GRID1: variants seen among roughly 807,000 people sequenced by gnomAD.
The protein encoded by GRID1 is glutamate receptor ionotropic, delta-1.
In GRID1, 28 loss-of-function variants were observed where a neutral mutation model predicts 98.0. The observed-to-expected ratio is 0.29, with a 90% CI of 0.21 to 0.39. The LOEUF (loss-of-function observed/expected upper bound fraction) is 0.39, where lower values mean the gene tolerates loss of function less well. GRID1 is among the 10% of genes least tolerant of loss of function. The pLI, the probability that GRID1 is intolerant of heterozygous loss-of-function variation, is 1.00. For synonymous variants in GRID1, 553 were observed against 538.5 expected (o/e 1.03, Z -0.37); for missense variants, 1,111 against 1,340.5 (o/e 0.83, Z 2.67).
chr10:86,131,250 A>G (rs1219652832), intron 4 of GRID1, among the ~76,000 whole-genome samples: 1 of 152,042 alleles, frequency 6.6e-6, no homozygotes, highest in Non-Finnish European at 1.5e-5. Flanking sequence ...GTCAACAAGC[A>G]GGCTGACTCA....
intron 3 of GRID1, among the ~76,000 whole-genome samples, chr10:86,171,871 A>G (rs2131993775): frequency 6.6e-6 from 1 of 152,326 alleles, no homozygotes; most frequent in East Asian, 1.9e-4. Context: ...TCTTCCCTAA[A>G]GATTTCAGCG....
At chr10:86,051,692 C>G (rs1454263077) in intron 4 of GRID1, among the ~76,000 whole-genome samples, 1 of 152,188 alleles carries the variant, frequency 6.6e-6, no homozygotes, top group Non-Finnish European at 1.5e-5. Flanking sequence ...TGATAAGATG[C>G]TTAATCTTGT....
chr10:85,855,954 A>C (rs113625477), intron 7 of GRID1, 75 bp downstream of exon 7: 1 of 1,364,294 alleles, frequency 7.3e-7, no homozygotes, highest in African/African-American at 1.4e-5. Flanking sequence ...CAGGCCAGCT[A>C]CTAGAGGGGA....
chr10:86,126,329 C>A, intron 4 of GRID1, among the ~76,000 whole-genome samples: 1 of 152,224 alleles, frequency 6.6e-6, no homozygotes, highest in Non-Finnish European at 1.5e-5. Flanking sequence ...GTGGCACGCG[C>A]CTGTAATCCC....
intron 5 of GRID1, among the ~76,000 whole-genome samples, chr10:85,909,955 A>G (rs1167315670): frequency 6.6e-6 from 1 of 152,200 alleles, no homozygotes; most frequent in African/African-American, 2.4e-5. Context: ...ATAATAATTA[A>G]AAAAACATAA....
intron 12 of GRID1, among the ~76,000 whole-genome samples, chr10:85,683,109 G>A (rs925221780): frequency 9.9e-5 from 15 of 152,168 alleles, no homozygotes; most frequent in African/African-American, 3.6e-4. Context: ...CAGATACACA[G>A]AAATTATAAC....
chr10:85,740,445 C>A (rs975291083), intron 8 of GRID1, among the ~76,000 whole-genome samples: 2 of 152,150 alleles, frequency 1.3e-5, no homozygotes, highest in East Asian at 1.9e-4. Context: ...TGAAGTCTGA[C>A]AAGACACTTC....
Position 85,820,027 on chromosome 10 carries a change from A to AGGC in GRID1, c.1233+34468_1233+34469insGCC, listed in dbSNP as rs1564600205. Among the ~76,000 whole-genome samples, 287 of 66,304 alleles carry AGGC rather than the reference A, an allele frequency of 4.3e-3. 1 individual carries two copies. The highest frequency in any genetic ancestry group is 0.014 in the African/African-American group (184 of 13,040). 43.5% of individuals were successfully genotyped at this position (66,304 alleles called of 152,430 possible). A position where few individuals can be genotyped will look rare whatever the true frequency, so the allele number is the denominator to read the frequency against. ...GAAGGAAGGAAGGAAGGAAGGAAGG[A>AGGC]AGGCAGGCAGGCAGGCAGGCAGGCA... On this transcript the variant is annotated intron_variant, in intron 8 of 15. Transcript: ENST00000327946.
intron 4 of GRID1, among the ~76,000 whole-genome samples, chr10:86,045,756 T>C (rs1244648314): frequency 6.6e-6 from 1 of 152,160 alleles, no homozygotes; most frequent in Non-Finnish European, 1.5e-5. Flanking sequence ...TGACCAATTG[T>C]CATAATGACT....
At chr10:86,259,426 A>G (rs529908193) in intron 2 of GRID1, among the ~76,000 whole-genome samples, 3 of 152,392 alleles carry the variant, frequency 2.0e-5, no homozygotes, top group Admixed American at 2.0e-4. Flanking sequence ...CAATGCGTAC[A>G]GAAAGTTGAA....
At chr10:85,703,637 A>C (rs1482061977) in intron 12 of GRID1, among the ~76,000 whole-genome samples, 1 of 152,102 alleles carries the variant, frequency 6.6e-6, no homozygotes, top group Non-Finnish European at 1.5e-5. Context: ...ATGTATTTTT[A>C]AGCCTAAAGA....
intron 8 of GRID1, among the ~76,000 whole-genome samples, chr10:85,813,949 T>C (rs139777431): frequency 0.01 from 1,587 of 151,748 alleles, 43 homozygotes; most frequent in African/African-American, 0.036. Context: ...CCCTTAAATA[T>C]TGACAGAAAA....
chr10:86,197,091 C>A (rs978334278), intron 3 of GRID1, among the ~76,000 whole-genome samples: 3 of 151,872 alleles, frequency 2.0e-5, no homozygotes, highest in Admixed American at 2.0e-4. Context: ...GAAAGACAGA[C>A]ATCAAAAGAT....
At chr10:85,676,781 T>C (rs1053145605) in intron 12 of GRID1, among the ~76,000 whole-genome samples, 13 of 152,174 alleles carry the variant, frequency 8.5e-5, no homozygotes, top group African/African-American at 3.1e-4. Context: ...GCTTGGTTAT[T>C]TGCACGTCAA....
chr10:85,602,067 C>T lies in GRID1; in HGVS notation c.*206G>A, dbSNP rs1009543828. Reference sequence around the variant, plus strand: ...TTCATACAGTTTTTGTGTTTTTTTACTGACTTCGAAAATTGGGAATATTCA... The same window carrying T: ...TTCATACAGTTTTTGTGTTTTTTTATTGACTTCGAAAATTGGGAATATTCA... On this transcript the variant is annotated 3_prime_UTR_variant, in exon 16 of 16. Transcript: ENST00000327946. 4 of 447,122 alleles carry T rather than the reference C, an allele frequency of 8.9e-6. No individual in the cohort carries two copies. Among genetic ancestry groups the T allele is most frequent in the Non-Finnish European group, 1.6e-5 (4 of 255,024 alleles). 27.7% of individuals were successfully genotyped at this position (447,122 alleles called of 1,614,324 possible). A position where few individuals can be genotyped will look rare whatever the true frequency, so the allele number is the denominator to read the frequency against.
chr10:86,362,089 C>T (rs77265027), intron 2 of GRID1, among the ~76,000 whole-genome samples: 2,449 of 152,304 alleles, frequency 0.016, 28 homozygotes, highest in Non-Finnish European at 0.018. Flanking sequence ...AGGCAGGGTC[C>T]CCACCACACT....
chr10:85,695,933 T>C (rs551793472), intron 12 of GRID1, among the ~76,000 whole-genome samples: 1 of 152,282 alleles, frequency 6.6e-6, no homozygotes, highest in Non-Finnish European at 1.5e-5. Flanking sequence ...GCATAATTTG[T>C]CACCTCCCAA....
chr10:86,268,921 C>G (rs1414602004), intron 2 of GRID1, among the ~76,000 whole-genome samples: 1 of 150,594 alleles, frequency 6.6e-6, no homozygotes, highest in Non-Finnish European at 1.5e-5. Flanking sequence ...ACCTGTGAGG[C>G]GGAGGTTGCA....
At chr10:86,080,309 G>C (rs1472607143) in intron 4 of GRID1, among the ~76,000 whole-genome samples, 1 of 150,818 alleles carries the variant, frequency 6.6e-6, no homozygotes, top group Non-Finnish European at 1.5e-5. Context: ...ACTCCAGCCT[G>C]GGCAACAGAG....
Sources: allele counts gnomAD v4.1 joint callset (sites outside exome capture counted in the v4.1 genomes callset), GRCh38; gene constraint gnomAD v4.1.1; transcripts MANE v1.5; gene names NCBI Gene and HGNC (gene_info 2026-07-23, HGNC 2026-07-21).